Variants in TNRC6A observed in about 807,000 individuals in gnomAD.
TNRC6A encodes the protein trinucleotide repeat-containing gene 6A protein.
A neutral mutation model predicts 221.2 loss-of-function variants in TNRC6A; 44 were observed. The observed-to-expected ratio is 0.20, with a 90% confidence interval of 0.16 to 0.26. The LOEUF is 0.26. Among genes scored for constraint, TNRC6A ranks in the 10% least tolerant of loss-of-function variants. The pLI is 1.00. For synonymous variants in TNRC6A, 847 were observed against 838.5 expected, an observed-to-expected ratio of 1.01 and a Z score of -0.18; for missense variants, 2,199 against 2,404.4, an observed-to-expected ratio of 0.91 and a Z score of 1.79.
Position 24,793,488 on chromosome 16 carries a change from G to A in TNRC6A, c.3191G>A (p.Trp1064Ter). 1 of 1,496,990 alleles carries A rather than the reference G, an allele frequency of 6.7e-7. No homozygotes were observed. Among genetic ancestry groups the A allele is most frequent in the Non-Finnish European group, 9.0e-7 (1 of 1,116,922 alleles). 92.7% of individuals were successfully genotyped at this position (1,496,990 alleles called of 1,614,324 possible). A position where few individuals can be genotyped will look rare whatever the true frequency, so the allele number is the denominator to read the frequency against. Residue 1064 changes from tryptophan to a stop codon, truncating the protein, a stop_gained, in exon 7 of 25, where the codon TGG becomes TAG. Coordinates refer to ENST00000395799, the MANE Select transcript of TNRC6A (RefSeq NM_014494.4). LOFTEE classifies it high-confidence loss of function. ...CTTTCTAAAGGCTGGGGTGAGCCCT[G>A]GGGGGAGCCTTCTACTCCAGCCACA... ...ASSGSGWGEP[W>*]GEPSTPATTV...
chr16:24,787,189 A>T (rs1233137809), intron 5 of TNRC6A, among the ~76,000 whole-genome samples: 1 of 152,190 alleles, frequency 6.6e-6, no homozygotes. Context: ...ACATATGATG[A>T]TAAAATTAAC....
chr16:24,687,727 G>T (rs1056803166), intron 2 of TNRC6A, among the ~76,000 whole-genome samples: 1 of 151,834 alleles, frequency 6.6e-6, no homozygotes, highest in African/African-American at 2.4e-5. Flanking sequence ...GAGCCCTGAG[G>T]AATCCAGGCT....
chr16:24,807,050 G>T (rs962074596), intron 17 of TNRC6A, among the ~76,000 whole-genome samples: 17 of 151,280 alleles, frequency 1.1e-4, no homozygotes, highest in Non-Finnish European at 1.2e-4. Flanking sequence ...CTGTCACCCA[G>T]GGTGGAGTGC....
rs1465228760 is a variant in TNRC6A, at chr16:24,791,083, T to C, written c.2441T>C (p.Val814Ala). The C allele has an allele frequency of 6.2e-7, 1 of 1,611,062 alleles. No homozygotes were observed. The highest frequency in any genetic ancestry group is 8.5e-7 in the Non-Finnish European group (1 of 1,178,476). Reference sequence around the variant, plus strand: ...GATGATTCTGCTGCTACAGGAATGGTCAAGAGCAATCAGTGGGGGAATTGC... The same window carrying C: ...GATGATTCTGCTGCTACAGGAATGGCCAAGAGCAATCAGTGGGGGAATTGC... Reference protein sequence around the residue: ...WEDDSAATGMVKSNQWGNCKE... With the variant: ...WEDDSAATGMAKSNQWGNCKE... The change falls in exon 6 of 25, where the codon GTC becomes GCC. Residue 814 changes from valine (V) to alanine (A), a missense_variant. Val to Ala is a moderately conservative substitution (Grantham distance 64). Around this residue, in one of 8 missense-constraint regions of TNRC6A, gnomAD observed 1,405 missense variants for 1,400.2 expected, o/e 1.00. Transcript: ENST00000395799.
At chr16:24,704,063 A>G (rs117006156) in intron 2 of TNRC6A, among the ~76,000 whole-genome samples, 3,852 of 147,588 alleles carry the variant, frequency 0.026, 95 homozygotes, top group East Asian at 0.11. Context: ...AGCCTGGGTG[A>G]TGGAATGAGA....
At chr16:24,772,287 G>C (rs988263448) in intron 4 of TNRC6A, among the ~76,000 whole-genome samples, 9 of 152,126 alleles carry the variant, frequency 5.9e-5, no homozygotes, top group Non-Finnish European at 7.4e-5. Flanking sequence ...GTGTTATGTT[G>C]GTGCTCCATC....
chr16:24,730,614 A>G (rs894048769), intron 2 of TNRC6A, among the ~76,000 whole-genome samples: 1 of 151,928 alleles, frequency 6.6e-6, no homozygotes, highest in Non-Finnish European at 1.5e-5. Context: ...GGTTGCAGGC[A>G]TTGTGTGACT....
At chr16:24,802,944 T>A (rs77691067) in intron 11 of TNRC6A, among the ~76,000 whole-genome samples, 7,492 of 152,186 alleles carry the variant, frequency 0.049, 615 homozygotes, top group East Asian at 0.36. Context: ...GCAAAGATTT[T>A]GCAGGAAAAA....
chr16:24,749,978 A>G (rs954860136), intron 2 of TNRC6A, among the ~76,000 whole-genome samples: 30 of 152,172 alleles, frequency 2.0e-4, no homozygotes, highest in Non-Finnish European at 7.4e-5. Context: ...CGTCTGTACT[A>G]AAAATACAAA....
chr16:24,763,911 A>G (rs921308976), intron 4 of TNRC6A, among the ~76,000 whole-genome samples: 1 of 152,232 alleles, frequency 6.6e-6, no homozygotes, highest in African/African-American at 2.4e-5. Flanking sequence ...GCATATGCAC[A>G]GTGAAATGAA....
chr16:24,689,396 T>C (rs2055705244), intron 2 of TNRC6A, among the ~76,000 whole-genome samples: 1 of 152,208 alleles, frequency 6.6e-6, no homozygotes, highest in Non-Finnish European at 1.5e-5. Context: ...GATATGGACA[T>C]GGATCAAGAA....
intron 4 of TNRC6A, among the ~76,000 whole-genome samples, chr16:24,770,988 G>A (rs1462331462): frequency 6.6e-6 from 1 of 152,182 alleles, no homozygotes; most frequent in Non-Finnish European, 1.5e-5. Context: ...GAGTTTTCCA[G>A]AGGTGACACA....
In TNRC6A at chr16:24,791,235, C is replaced by A; in HGVS notation, c.2593C>A (p.His865Asn). Residue 865 changes from histidine to asparagine, a missense_variant, in exon 6 of 25, where the codon CAT (histidine) becomes AAT (asparagine). Transcript: ENST00000395799. ...CTGGGGAGAAACTTCAAGGAATAACCATTGGGGTGAGGCCAATAAGAAATC... is the reference window on the plus strand; with the variant it reads ...CTGGGGAGAAACTTCAAGGAATAACAATTGGGGTGAGGCCAATAAGAAATC... ...DNWGETSRNN[H>N]WGEANKKSSS... 6.2e-7 allele frequency: 1 copy of A among 1,614,180 alleles called. No homozygotes were observed. Among genetic ancestry groups the A allele is most frequent in the East Asian group, 2.2e-5 (1 of 44,888 alleles).
chr16:24,805,741 G>A lies in TNRC6A; in HGVS notation c.4251+8G>A, dbSNP rs2058417921. On this transcript the variant is annotated splice_region_variant and intron_variant, in intron 15 of 24. Coordinates refer to ENST00000395799, the MANE Select transcript of TNRC6A (RefSeq NM_014494.4). ...CAGATCTCCCAGTTACAGGTAAGCA[G>A]AGTCATAGTCTTTCTTAGTACACAT... 1 of 1,614,154 alleles carries A rather than the reference G, an allele frequency of 6.2e-7. No homozygotes were observed. The highest frequency in any genetic ancestry group is 1.7e-5 in the Admixed American group (1 of 60,018).
At chr16:24,774,226 C>T (rs1223071218) in intron 4 of TNRC6A, among the ~76,000 whole-genome samples, 1 of 152,184 alleles carries the variant, frequency 6.6e-6, no homozygotes, top group Non-Finnish European at 1.5e-5. Flanking sequence ...GCAACCCCCA[C>T]CTACGTTCAC....
Position 24,790,770 on chromosome 16 carries a change from A to G in TNRC6A, c.2128A>G (p.Arg710Gly). Residue 710 changes from arginine (R) to glycine (G), a missense_variant, in exon 6 of 25, where the codon AGA (arginine) becomes GGA (glycine). Physicochemically the swap from Arg to Gly is moderately radical, Grantham distance 125. Around this residue, in one of 8 missense-constraint regions of TNRC6A, gnomAD observed 1,405 missense variants for 1,400.2 expected, o/e 1.00. Coordinates refer to ENST00000395799, the MANE Select transcript of TNRC6A (RefSeq NM_014494.4). ...CACATTACTCCAAAGCATTGTAAAC[A>G]GAACTGACTTAGATCCACGTGTCCT... ...QHTLLQSIVN[R>G]TDLDPRVLSN... 6.2e-7 allele frequency: 1 copy of G among 1,614,186 alleles called. No homozygotes were observed. The highest frequency in any genetic ancestry group is 8.5e-7 in the Non-Finnish European group (1 of 1,180,046).
At chr16:24,725,781 A>G (rs2056481045), upstream of TNRC6A, among the ~76,000 whole-genome samples, 1 of 151,870 alleles carries the variant, frequency 6.6e-6, no homozygotes, top group African/African-American at 2.4e-5. Flanking sequence ...GCGGGTGATC[A>G]CTTGAGTCAG....
chr16:24,729,984 C>T (rs977712477), intron 1 of TNRC6A, 138 bp downstream of exon 1: 1 of 803,466 alleles, frequency 1.2e-6, no homozygotes. Flanking sequence ...AGGGCGCAGG[C>T]TGCGTTGCTG....
intron 2 of TNRC6A, among the ~76,000 whole-genome samples, chr16:24,732,325 A>G (rs1334627209): frequency 6.6e-6 from 1 of 152,206 alleles, no homozygotes; most frequent in Non-Finnish European, 1.5e-5. Flanking sequence ...CATTGTATTC[A>G]TTGAGTAACC....
Sources: gnomAD v4.1 joint callset for allele counts (sites outside exome capture counted in the v4.1 genomes callset) on GRCh38, gnomAD v4.1.1 for gene constraint, gnomAD v4.1.1 regional missense constraint, MANE v1.5 for transcripts, NCBI Gene and HGNC (gene_info 2026-07-23, HGNC 2026-07-21) for gene names.